Variants in SARNP observed in about 807,000 individuals in gnomAD.
The protein encoded by SARNP is SAP domain containing ribonucleoprotein.
A neutral mutation model predicts 38.1 loss-of-function variants in SARNP; 5 were observed. The ratio of observed to expected loss-of-function variants is 0.13; its 90% CI spans 0.07 to 0.28. SARNP has a LOEUF of 0.28. Ranked by LOEUF, SARNP falls within the 10% of genes least tolerant of loss-of-function variation. The pLI, the probability that SARNP is intolerant of heterozygous loss-of-function variation, is 1.00. For missense variants in SARNP, 180 were observed against 243.9 expected (o/e 0.74, Z 1.75); for synonymous variants, 84 against 80.6 (o/e 1.04, Z -0.23).
chr12:55,806,038 A>C (rs968959159), intron 1 of SARNP, among the ~76,000 whole-genome samples: 16 of 138,584 alleles, frequency 1.2e-4, no homozygotes, highest in East Asian at 4.0e-4. Context: ...ATTCTGTCTC[A>C]AAAAAAAAAA....
rs200349741 is a variant in SARNP, at chr12:55,794,365, T to C, written c.400A>G (p.Thr134Ala). 2.5e-4 allele frequency: 402 copies of C among 1,608,128 alleles called. 1 individual carries two copies. Among genetic ancestry groups the C allele is most frequent in the Non-Finnish European group, 3.1e-4 (369 of 1,178,282 alleles). Residue 134 changes from threonine (T) to alanine (A), a missense_variant, in exon 7 of 11, where the codon ACA becomes GCA. Thr to Ala is a moderately conservative substitution (Grantham distance 58). Transcript: ENST00000336133. ...AGTATCTCTGTACTCTTACCTTTTG[T>C]TGGAACTGAAGAAATCCCAAACCTG... is the stretch of plus-strand genomic sequence containing the variant. Reference protein sequence around the residue: ...AARFGISSVPTKGLSSDNKPM... With the variant: ...AARFGISSVPAKGLSSDNKPM...
intron 1 of SARNP, among the ~76,000 whole-genome samples, chr12:55,806,441 A>C (rs1880146181): frequency 6.6e-6 from 1 of 151,734 alleles, no homozygotes; most frequent in Admixed American, 6.6e-5. Flanking sequence ...TGCCTGGCTA[A>C]TTTTTGTATT....
intron 4 of SARNP, among the ~76,000 whole-genome samples, chr12:55,796,984 G>A (rs538740545): frequency 6.6e-6 from 1 of 152,240 alleles, no homozygotes; most frequent in African/African-American, 2.4e-5. Context: ...AAAGAGGGGG[G>A]ACCACAGGGG....
intron 9 of SARNP, among the ~76,000 whole-genome samples, chr12:55,776,095 C>T (rs532128208): frequency 9.9e-5 from 15 of 152,108 alleles, no homozygotes; most frequent in African/African-American, 3.4e-4. Flanking sequence ...GTTCAAGGAC[C>T]ACCCCTGCCT....
downstream of SARNP, chr12:55,756,613 G>C (rs1349489342): frequency 6.6e-6 from 1 of 152,194 alleles, no homozygotes; most frequent in East Asian, 1.9e-4. Flanking sequence ...TAAAGATTAA[G>C]AGGAGAAATT....
intron 7 of SARNP, among the ~76,000 whole-genome samples, chr12:55,791,600 CAGG>C (rs1177826393): frequency 1.3e-5 from 2 of 152,016 alleles, no homozygotes; most frequent in East Asian, 3.9e-4. Context: ...GAGGCTGAGA[CAGG>C]AGAATTGCTT....
Position 55,790,610 on chromosome 12 carries a change from G to T in SARNP, c.407-18C>A. 6.7e-7 allele frequency: 1 copy of T among 1,490,172 alleles called. No homozygotes were observed. The highest frequency in any genetic ancestry group is 9.0e-7 in the Non-Finnish European group (1 of 1,115,502). The allele number at this position is 1,490,172 out of a possible 1,614,324, so 92.3% of individuals were successfully genotyped here. On this transcript the variant is annotated intron_variant, in intron 7 of 10. Transcript: ENST00000336133. ...TGACAGACCTAAGGAAGTAAATAAA[G>T]TTTTATTTAATATTTTTAAAAGTCA... is the stretch of plus-strand genomic sequence containing the variant.
intron 7 of SARNP, among the ~76,000 whole-genome samples, chr12:55,791,861 G>A (rs565806469): frequency 1.5e-4 from 23 of 152,170 alleles, no homozygotes; most frequent in African/African-American, 5.1e-4. Flanking sequence ...CCCAAATTCC[G>A]TTATTTTTTA....
At chr12:55,792,535 C>G (rs1592572758) in intron 7 of SARNP, 2 of 103,196 alleles carry the variant, frequency 1.9e-5, no homozygotes, top group African/African-American at 7.0e-5. Context: ...CCACACCCAG[C>G]TTTTTTTTTT....
rs1344448041 is a variant in SARNP at position 55,780,631 on chromosome 12, T to C, written c.501+8444A>G. Among the ~76,000 whole-genome samples the C allele has an allele frequency of 2.6e-5, 4 of 152,026 alleles. No homozygotes were observed. The South Asian group carries it at 6.2e-4, about 24-fold the overall frequency. On this transcript the variant is annotated intron_variant, in intron 9 of 10. Transcript: ENST00000336133. ...GTTGCAGTGATCCGAGATCACGCCA[T>C]TGCACTCCACCCTGGGCAACAAGTG...
intron 9 of SARNP, among the ~76,000 whole-genome samples, chr12:55,781,542 AAAAAAAC>A (rs1303160718): frequency 6.6e-6 from 1 of 151,820 alleles, no homozygotes; most frequent in African/African-American, 2.4e-5. Flanking sequence ...TCAAAAAAAA[AAAAAAAC>A]AAAAACAAAA....
intron 9 of SARNP, among the ~76,000 whole-genome samples, chr12:55,787,500 G>C (rs970221539): frequency 6.6e-6 from 1 of 151,536 alleles, no homozygotes; most frequent in Non-Finnish European, 1.5e-5. Context: ...ATAGTAGCAC[G>C]ATCTCGGCTC....
At chr12:55,806,999 C>T (rs1275349803) in intron 1 of SARNP, among the ~76,000 whole-genome samples, 2 of 152,028 alleles carry the variant, frequency 1.3e-5, no homozygotes, top group African/African-American at 4.8e-5. Flanking sequence ...CGCCATGTTG[C>T]CCGGGCTGAA....
intron 9 of SARNP, among the ~76,000 whole-genome samples, chr12:55,763,183 A>C (rs539454641): frequency 6.6e-6 from 1 of 152,244 alleles, no homozygotes; most frequent in African/African-American, 2.4e-5. Flanking sequence ...AAAGAAAAAC[A>C]TAAGTATTCT....
downstream of SARNP, chr12:55,752,595 T>C (rs1460972050): frequency 6.6e-6 from 1 of 152,180 alleles, no homozygotes; most frequent in Non-Finnish European, 1.5e-5. Flanking sequence ...GTAATTATCA[T>C]TTATTTTGTG....
chr12:55,789,071 T>C lies in SARNP; in HGVS notation c.501+4A>G, dbSNP rs1303259390. On this transcript the variant is annotated splice_donor_region_variant and intron_variant, in intron 9 of 10. Coordinates refer to ENST00000336133, the MANE Select transcript of SARNP (RefSeq NM_033082.4). ...AAACATTACTTCCATCGAGCCTACA[T>C]TACCTTTCTGGAGATTGAAGAGACA... The C allele has an allele frequency of 5.6e-6, 9 of 1,597,308 alleles. No individual in the cohort carries two copies. The highest frequency in any genetic ancestry group is 7.7e-6 in the Non-Finnish European group (9 of 1,168,150).
intron 1 of SARNP, among the ~76,000 whole-genome samples, chr12:55,815,500 G>T (rs563258114): frequency 6.6e-6 from 1 of 152,190 alleles, no homozygotes; most frequent in African/African-American, 2.4e-5. Context: ...CTGTCCCCCA[G>T]GCTGGAGTGC....
intron 4 of SARNP, among the ~76,000 whole-genome samples, chr12:55,799,514 C>T (rs978786512): frequency 1.3e-5 from 2 of 151,862 alleles, no homozygotes; most frequent in Non-Finnish European, 2.9e-5. Context: ...AACCTCTACC[C>T]AACACCCTCC....
chr12:55,775,876 A>G lies in SARNP; in HGVS notation c.501+13199T>C, dbSNP rs542377552. ...TCAATCTTATTTTAACTGAACCCAC[A>G]TATATAAGCCTCTCAAGTATTAACA... On this transcript the variant is annotated intron_variant, in intron 9 of 10. Transcript: ENST00000336133. Among the ~76,000 whole-genome samples, 3 of 152,296 alleles carry G rather than the reference A, an allele frequency of 2.0e-5. No homozygotes were observed. The South Asian group carries it at 6.2e-4, about 32-fold the overall frequency.
Sources: allele counts gnomAD v4.1 joint callset (sites outside exome capture counted in the v4.1 genomes callset), GRCh38; gene constraint gnomAD v4.1.1; transcripts MANE v1.5; gene names NCBI Gene and HGNC (gene_info 2026-07-23, HGNC 2026-07-21).